The following NEGR1 variants were observed in gnomAD, a reference collection of about 807,000 sequenced individuals.
NEGR1 encodes the protein neuronal growth regulator 1.
NEGR1 carries 10 observed loss-of-function variants against 40.9 expected under a neutral mutation model. The ratio of observed to expected loss-of-function variants is 0.24; its 90% confidence interval spans 0.15 to 0.42. The LOEUF (loss-of-function observed/expected upper bound fraction) is 0.42, where lower values mean the gene tolerates loss of function less well. NEGR1 is among the 10% of genes least tolerant of loss of function. The probability of loss-of-function intolerance (pLI) is 1.00; values close to 1 mark genes in which losing one functional copy is unlikely to be tolerated. For missense variants in NEGR1, 352 were observed against 438.9 expected (o/e 0.80, Z 1.77); for synonymous variants, 185 against 166.8 (o/e 1.11, Z -0.84).
chr1:71,702,242 C>T (rs775959877), intron 3 of NEGR1, among the ~76,000 whole-genome samples: 24 of 152,016 alleles, frequency 1.6e-4, no homozygotes, highest in South Asian at 4.1e-4. Context: ...GGATATTACT[C>T]GTGACAAGAT....
intron 1 of NEGR1, among the ~76,000 whole-genome samples, chr1:72,099,469 G>A (rs1483190120): frequency 6.6e-6 from 1 of 151,852 alleles, no homozygotes; most frequent in Non-Finnish European, 1.5e-5. Flanking sequence ...TGGTATTCTA[G>A]CATTTGGCCT....
intron 4 of NEGR1, among the ~76,000 whole-genome samples, chr1:71,670,997 C>G (rs1380727049): frequency 6.6e-6 from 1 of 152,062 alleles, no homozygotes; most frequent in Non-Finnish European, 1.5e-5. Context: ...CATGAGTCTA[C>G]CTCAAAGCAC....
chr1:71,621,656 G>A (rs1293708837), intron 4 of NEGR1, among the ~76,000 whole-genome samples: 1 of 151,766 alleles, frequency 6.6e-6, no homozygotes, highest in Non-Finnish European at 1.5e-5. Flanking sequence ...GACTACATAT[G>A]AATTCTGATT....
At chr1:71,850,726 G>A (rs966467429) in intron 2 of NEGR1, among the ~76,000 whole-genome samples, 1 of 152,014 alleles carries the variant, frequency 6.6e-6, no homozygotes, top group Non-Finnish European at 1.5e-5. Context: ...ATTTGGCATT[G>A]CCTCATTCAG....
intron 6 of NEGR1, among the ~76,000 whole-genome samples, chr1:71,562,905 G>A (rs1305746570): frequency 3.9e-5 from 6 of 151,916 alleles, no homozygotes; most frequent in African/African-American, 1.2e-4. Flanking sequence ...CATGGCAGAG[G>A]GAAAGTCTGA....
chr1:71,683,794 T>C (rs1652921915), intron 4 of NEGR1, among the ~76,000 whole-genome samples: 1 of 151,684 alleles, frequency 6.6e-6, no homozygotes, highest in South Asian at 2.1e-4. Flanking sequence ...TTTTTAATTT[T>C]CAGGGGTTTG....
At chr1:71,586,596 A>G (rs1334300722) in intron 6 of NEGR1, among the ~76,000 whole-genome samples, 2 of 152,128 alleles carry the variant, frequency 1.3e-5, no homozygotes, top group Non-Finnish European at 2.9e-5. Flanking sequence ...ACTAGAGGCA[A>G]TTTGGTGACC....
At chr1:72,136,489 G>A (rs75047342) in intron 1 of NEGR1, among the ~76,000 whole-genome samples, 122 of 151,704 alleles carry the variant, frequency 8.0e-4, no homozygotes, top group Non-Finnish European at 1.5e-3. Flanking sequence ...AAAATTTTAA[G>A]TAGGATCTCC....
intron 4 of NEGR1, among the ~76,000 whole-genome samples, chr1:71,647,977 A>T (rs1651588647): frequency 6.6e-6 from 1 of 152,026 alleles, no homozygotes; most frequent in East Asian, 1.9e-4. Flanking sequence ...GAAAGAAGGT[A>T]AAAGTCTATA....
chr1:71,967,164 C>T (rs1646216485), intron 1 of NEGR1, among the ~76,000 whole-genome samples: 3 of 152,022 alleles, frequency 2.0e-5, no homozygotes, highest in Non-Finnish European at 4.4e-5. Context: ...GAGCAGAGAA[C>T]AGGGGATTAT....
intron 2 of NEGR1, among the ~76,000 whole-genome samples, chr1:71,934,090 C>G (rs867831606): frequency 8.5e-4 from 129 of 152,160 alleles, no homozygotes; most frequent in African/African-American, 2.9e-3. Context: ...TGCTCTGGCA[C>G]CACATTATCA....
At chr1:71,469,979 A>G (rs1483578511) in intron 6 of NEGR1, among the ~76,000 whole-genome samples, 3 of 152,110 alleles carry the variant, frequency 2.0e-5, no homozygotes, top group Non-Finnish European at 2.9e-5. Context: ...TTTAAACTGA[A>G]AAGTAAAGTC....
At position 72,262,569 on chromosome 1, in the gene NEGR1, C is replaced by T. The variant is rs147265071; in HGVS notation, c.176+19750G>A. On this transcript the variant is annotated intron_variant, in intron 1 of 6. Coordinates refer to ENST00000357731, the MANE Select transcript of NEGR1 (RefSeq NM_173808.3). ...TGGATCTCAGTCATCTAATAGACTA[C>T]TCTCATATACTAAATGCTCAAGCAC... Among the ~76,000 whole-genome samples, 1,357 of 151,986 alleles carry T rather than the reference C, an allele frequency of 8.9e-3. 26 individuals carry two copies. Among genetic ancestry groups the T allele is most frequent in the African/African-American group, 0.031 (1,297 of 41,492 alleles).
chr1:71,422,058 C>T (rs1213897709), intron 6 of NEGR1, among the ~76,000 whole-genome samples: 3 of 152,012 alleles, frequency 2.0e-5, no homozygotes, highest in Non-Finnish European at 4.4e-5. Flanking sequence ...ATATTCTTCA[C>T]ATGTGAACGA....
intron 6 of NEGR1, chr1:71,476,862 T>A (rs1215333459): frequency 6.6e-6 from 1 of 152,124 alleles, no homozygotes; most frequent in Non-Finnish European, 1.5e-5. Context: ...ACTGTTTAGC[T>A]GCAATAAAGC....
intron 2 of NEGR1, among the ~76,000 whole-genome samples, chr1:71,903,026 A>G (rs1661181774): frequency 6.7e-6 from 1 of 148,846 alleles, no homozygotes; most frequent in Admixed American, 6.7e-5. Context: ...TTAATTTCCC[A>G]AAGTTTTAAA....
chr1:71,968,548 G>A (rs1244370342), intron 1 of NEGR1, among the ~76,000 whole-genome samples: 1 of 152,148 alleles, frequency 6.6e-6, no homozygotes, highest in African/African-American at 2.4e-5. Flanking sequence ...TTACTTTAAA[G>A]GGGGAATAAT....
At chr1:72,203,273 G>A (rs893813752) in intron 1 of NEGR1, among the ~76,000 whole-genome samples, 2 of 152,032 alleles carry the variant, frequency 1.3e-5, no homozygotes, top group Admixed American at 6.6e-5. Context: ...TAATTCATTG[G>A]GGGAAGTCAA....
chr1:72,189,385 A>G lies in NEGR1; in HGVS notation c.176+92934T>C, dbSNP rs539743400. Among the ~76,000 whole-genome samples, 5 of 151,652 alleles carry G rather than the reference A, an allele frequency of 3.3e-5. No homozygotes were observed. The East Asian group carries it at 7.8e-4, about 24-fold the overall frequency. On this transcript the variant is annotated intron_variant, in intron 1 of 6. Coordinates refer to ENST00000357731, the MANE Select transcript of NEGR1 (RefSeq NM_173808.3). The stretch of plus-strand genomic sequence containing the variant: ...CTTATACTCTTTCCCACAAGAAGCT[A>G]GAAAATTTCAATGTATCTTTCAAAC...
Sources: allele counts gnomAD v4.1 joint callset (sites outside exome capture counted in the v4.1 genomes callset), GRCh38; gene constraint gnomAD v4.1.1; transcripts MANE v1.5; gene names NCBI Gene and HGNC (gene_info 2026-07-23, HGNC 2026-07-21).